FKBP1B: variants seen among roughly 807,000 people sequenced by gnomAD.
FKBP1B encodes the protein FKBP prolyl isomerase 1B, also known as peptidyl-prolyl cis-trans isomerase FKBP1B.
Under a neutral mutation model 13.5 loss-of-function variants are expected in FKBP1B, and 4 were observed. The observed-to-expected ratio is 0.30, with a 90% CI of 0.15 to 0.68. The LOEUF is 0.68. Ranked by LOEUF, FKBP1B falls within the 30% of genes least tolerant of loss-of-function variation. The pLI is 0.76. For missense variants in FKBP1B, 93 were observed against 136.2 expected (o/e 0.68, Z 1.58); for synonymous variants, 54 against 53.6 (o/e 1.01, Z -0.03).
chr2:24,054,114 G>C, intron 2 of FKBP1B, 165 bp downstream of exon 2: 1 of 739,114 alleles, frequency 1.4e-6, no homozygotes, highest in Non-Finnish European at 2.5e-6. Context: ...CCAGTCTAGT[G>C]GGAATGATAA....
chr2:24,063,587 T>C lies in FKBP1B; in HGVS notation c.*395T>C, dbSNP rs1664501159. On this transcript the variant is annotated 3_prime_UTR_variant, in exon 4 of 4. Coordinates refer to ENST00000380986, the MANE Select transcript of FKBP1B (RefSeq NM_004116.5). ...CAGAGGGACTTGAGCCAGTTACCTT[T>C]GCTGTCACTTTCTCTCTTATAAATT... 4.2e-6 allele frequency: 1 copy of C among 238,362 alleles called. No homozygotes were observed. 14.8% of individuals were successfully genotyped at this position (238,362 alleles called of 1,614,324 possible).
At chr2:24,056,149 C>T (rs1007656655) in intron 2 of FKBP1B, among the ~76,000 whole-genome samples, 11 of 151,682 alleles carry the variant, frequency 7.3e-5, no homozygotes, top group African/African-American at 2.4e-4. Flanking sequence ...GCCACCATGC[C>T]TGGCTAATTT....
At chr2:24,038,796 T>C in the FKBP1B span, 2 of 1,614,230 alleles carry the variant, frequency 1.2e-6, no homozygotes, top group South Asian at 1.1e-5. Context: ...AGGTTTCAGA[T>C]GCATTTAAGC....
the FKBP1B span, among the ~76,000 whole-genome samples, chr2:24,033,938 G>T: frequency 8.3e-3 from 1,261 of 152,184 alleles, 9 homozygotes; most frequent in South Asian, 0.034. Flanking sequence ...ACCACTCAAA[G>T]AATATGTCCA....
the FKBP1B span, among the ~76,000 whole-genome samples, chr2:24,034,138 G>A: frequency 2.0e-5 from 3 of 152,162 alleles, no homozygotes; most frequent in African/African-American, 7.2e-5. Flanking sequence ...AAGTATAATA[G>A]GGCCGGGTGT....
chr2:24,051,525 G>C (rs1007898245), intron 1 of FKBP1B, among the ~76,000 whole-genome samples: 2 of 152,102 alleles, frequency 1.3e-5, no homozygotes, highest in South Asian at 2.1e-4. Context: ...GCTTTCCCAA[G>C]CTGCCTGCAA....
upstream of FKBP1B, among the ~76,000 whole-genome samples, chr2:24,048,167 C>T (rs1336713083): frequency 6.6e-6 from 1 of 152,058 alleles, no homozygotes. Flanking sequence ...TTATGTTTTT[C>T]TTTTTCTTTT....
In FKBP1B at chr2:24,059,894, CAAAAAAAAAA is replaced by C. The variant is rs10679224; in HGVS notation, c.86-905_86-896del. On this transcript the variant is annotated intron_variant, in intron 2 of 3. Transcript: ENST00000380986. ...TGGGCAACAGAGGGAGACTCCGACTCAAAAAAAAAAAAAAAAAAAAAAAAGTTGAAAAGTG... is the reference window on the plus strand; with the variant it reads ...TGGGCAACAGAGGGAGACTCCGACTCAAAAAAAAAAAAAAGTTGAAAAGTG... 6.9e-3 allele frequency among the ~76,000 whole-genome samples: 344 copies of C among 49,828 alleles called. 1 individual carries two copies. Among genetic ancestry groups the C allele is most frequent in the African/African-American group, 0.026 (336 of 12,872 alleles). 32.7% of individuals were successfully genotyped at this position (49,828 alleles called of 152,430 possible).
At chr2:24,055,368 G>A (rs751044635) in intron 2 of FKBP1B, among the ~76,000 whole-genome samples, 38 of 152,018 alleles carry the variant, frequency 2.5e-4, no homozygotes, top group Non-Finnish European at 1.5e-4. Flanking sequence ...GAGCCACCAT[G>A]CCTGGCTAAT....
At chr2:24,055,419 G>T (rs1429643682) in intron 2 of FKBP1B, among the ~76,000 whole-genome samples, 1 of 151,888 alleles carries the variant, frequency 6.6e-6, no homozygotes, top group Admixed American at 6.6e-5. Flanking sequence ...TATGTTGCCC[G>T]GGCTGGTCTC....
rs1272470572 is a variant in FKBP1B at position 24,049,776 on chromosome 2, G to A, written c.-74G>A. On this transcript the variant is annotated 5_prime_UTR_variant, in exon 1 of 4. Transcript: ENST00000380986. ...CGAGGAGGCGAGCCGGAGCGACGGC[G>A]GGGCTGGGGCCGGAGCCGAGCCGGG... 2.4e-5 allele frequency: 29 copies of A among 1,214,402 alleles called. No homozygotes were observed. The East Asian group carries it at 8.9e-4, about 37-fold the overall frequency. The allele number at this position is 1,214,402 out of a possible 1,614,324, so 75.2% of individuals were successfully genotyped here. A position where few individuals can be genotyped will look rare whatever the true frequency, so the allele number is the denominator to read the frequency against.
chr2:24,053,888 A>T lies in FKBP1B; in HGVS notation c.38-14A>T. On this transcript the variant is annotated splice_polypyrimidine_tract_variant and intron_variant, in intron 1 of 3. Coordinates refer to ENST00000380986, the MANE Select transcript of FKBP1B (RefSeq NM_004116.5). ...ATATCCTACTCCTTCATCTGCCCTCATGTCTCCCTGCAGGAAGGACATTCC... is the reference window on the plus strand; with the variant it reads ...ATATCCTACTCCTTCATCTGCCCTCTTGTCTCCCTGCAGGAAGGACATTCC... 1.2e-6 allele frequency: 2 copies of T among 1,613,870 alleles called. No individual in the cohort carries two copies. The highest frequency in any genetic ancestry group is 1.7e-6 in the Non-Finnish European group (2 of 1,179,780).
intron 2 of FKBP1B, among the ~76,000 whole-genome samples, chr2:24,054,821 A>G (rs1462385340): frequency 6.6e-6 from 1 of 152,174 alleles, no homozygotes; most frequent in African/African-American, 2.4e-5. Flanking sequence ...TGACCTGTGT[A>G]ATTGATTTAA....
In FKBP1B at chr2:24,063,481, GC is replaced by G; in HGVS notation, c.*290del. The G allele has an allele frequency of 1.8e-5, 6 of 327,444 alleles. No individual in the cohort carries two copies. The highest frequency in any genetic ancestry group is 2.1e-4 in the South Asian group (2 of 9,664). The allele number at this position is 327,444 out of a possible 1,614,324, so 20.3% of individuals were successfully genotyped here. A position where few individuals can be genotyped will look rare whatever the true frequency, so the allele number is the denominator to read the frequency against. ...ATGACAGAACACAGATCTCTTGTTC[GC>G]ACAATCTACACTGCCTTACCTTCAC... On this transcript the variant is annotated 3_prime_UTR_variant, in exon 4 of 4. Transcript: ENST00000380986.
At chr2:24,037,723 A>C in the FKBP1B span, 2 of 1,614,110 alleles carry the variant, frequency 1.2e-6, no homozygotes, top group Non-Finnish European at 1.7e-6. Context: ...GAGTGGATAC[A>C]CTGAAGAGGA....
At chr2:24,038,768 T>C in the FKBP1B span, 1 of 1,614,222 alleles carries the variant, frequency 6.2e-7, no homozygotes, top group South Asian at 1.1e-5. Flanking sequence ...ATGTCTTTAC[T>C]GTTAGGTGGG....
intron 2 of FKBP1B, chr2:24,054,234 A>G (rs12469126): frequency 0.13 from 79,749 of 611,072 alleles, 6,051 homozygotes; most frequent in South Asian, 0.18. Context: ...TGTTGCAGGT[A>G]TGGTGGAGCC....
the FKBP1B span, chr2:24,038,018 T>G: frequency 6.2e-7 from 1 of 1,614,202 alleles, no homozygotes; most frequent in South Asian, 1.1e-5. Flanking sequence ...ATAAGTGTTC[T>G]TCCAGGCCTT....
At chr2:24,040,237 A>C in the FKBP1B span, among the ~76,000 whole-genome samples, 2 of 152,016 alleles carry the variant, frequency 1.3e-5, no homozygotes, top group African/African-American at 4.8e-5. Flanking sequence ...ATGGTTTGAC[A>C]AAAAAAACCC....
Sources: gnomAD v4.1 joint callset for allele counts (sites outside exome capture counted in the v4.1 genomes callset) on GRCh38, gnomAD v4.1.1 for gene constraint, MANE v1.5 for transcripts, NCBI Gene and HGNC (gene_info 2026-07-23, HGNC 2026-07-21) for gene names.